Variants in PDE10A observed in about 807,000 individuals in gnomAD.
PDE10A encodes phosphodiesterase 10A.
A neutral mutation model predicts 97.7 loss-of-function variants in PDE10A; 39 were observed. The observed-to-expected ratio is 0.40, with a 90% CI of 0.31 to 0.52. The LOEUF (loss-of-function observed/expected upper bound fraction) is 0.52. Among genes scored for constraint, PDE10A ranks in the 20% least tolerant of loss-of-function variants. The pLI, the probability that PDE10A is intolerant of heterozygous loss-of-function variation, is 0.56. For synonymous variants in PDE10A, 371 were observed against 376.8 expected, an observed-to-expected ratio of 0.98 and a Z score of 0.18; for missense variants, 731 against 1,047.8, an observed-to-expected ratio of 0.70 and a Z score of 4.17.
At chr6:165,496,012 G>A (rs1318984106) in intron 2 of PDE10A, among the ~76,000 whole-genome samples, 2 of 151,930 alleles carry the variant, frequency 1.3e-5, no homozygotes, top group Non-Finnish European at 2.9e-5. Flanking sequence ...AGGGGAATTG[G>A]AAGGCAATGT....
In PDE10A at chr6:165,786,459, T is replaced by G. The variant is rs541724403; in HGVS notation, c.-615+201070A>C. Among the ~76,000 whole-genome samples, 8 of 152,388 alleles carry G rather than the reference T, an allele frequency of 5.2e-5. No homozygotes were observed. In the South Asian group the frequency reaches 1.7e-3, roughly 32 times the overall value. On this transcript the variant is annotated intron_variant, in intron 1 of 19. Transcript: ENST00000366882. ...AAAGTAAACTTAACTTGGGTTAGTA[T>G]CAAAATAATTTAAATGTACCTGTGA...
chr6:165,980,753 A>G (rs946459029), intron 1 of PDE10A, among the ~76,000 whole-genome samples: 21 of 152,210 alleles, frequency 1.4e-4, no homozygotes, highest in African/African-American at 4.3e-4. Context: ...CCATGTGTGT[A>G]TAATATACTT....
chr6:165,636,643 C>T (rs1161576950), intron 1 of PDE10A, among the ~76,000 whole-genome samples: 1 of 152,194 alleles, frequency 6.6e-6, no homozygotes, highest in Non-Finnish European at 1.5e-5. Flanking sequence ...GCAATACTTA[C>T]GGTTCACAAA....
At chr6:165,872,815 T>C (rs1265530629) in intron 1 of PDE10A, among the ~76,000 whole-genome samples, 1 of 152,150 alleles carries the variant, frequency 6.6e-6, no homozygotes, top group Non-Finnish European at 1.5e-5. Flanking sequence ...AGAACACTAA[T>C]AGGGGATCAG....
At chr6:165,984,159 T>C (rs1235034718) in intron 1 of PDE10A, among the ~76,000 whole-genome samples, 5 of 152,030 alleles carry the variant, frequency 3.3e-5, no homozygotes, top group Admixed American at 1.3e-4. Flanking sequence ...TAGACATTTT[T>C]ATGCTAAAAA....
rs181998852 is a variant in PDE10A, at chr6:165,491,721, G to A, written c.995-9378C>T. On this transcript the variant is annotated intron_variant, in intron 2 of 21. Coordinates refer to ENST00000539869, the MANE Select transcript of PDE10A (RefSeq NM_001385079.1). ...GGATACAGCAAAAGTGGTACTAAGA[G>A]AAAAGTCCACAGCATTAAGTGCCTA... Among the ~76,000 whole-genome samples the A allele has an allele frequency of 5.3e-4, 81 of 152,144 alleles. 1 individual carries two copies. Among genetic ancestry groups the A allele is most frequent in the African/African-American group, 1.7e-3 (71 of 41,524 alleles).
intron 1 of PDE10A, among the ~76,000 whole-genome samples, chr6:165,846,254 C>G (rs994292380): frequency 6.6e-5 from 10 of 152,224 alleles, no homozygotes; most frequent in South Asian, 2.1e-4. Flanking sequence ...TGAGCCACAC[C>G]TTGTGCTTTA....
chr6:165,927,151 A>C (rs955770111), intron 1 of PDE10A, among the ~76,000 whole-genome samples: 4 of 152,152 alleles, frequency 2.6e-5, no homozygotes, highest in African/African-American at 9.7e-5. Context: ...GCATGCAGCA[A>C]ACCACCATGG....
At chr6:165,468,245 ATTTT>A (rs914985458) in intron 3 of PDE10A, among the ~76,000 whole-genome samples, 1 of 149,518 alleles carries the variant, frequency 6.7e-6, no homozygotes, top group Non-Finnish European at 1.5e-5. Flanking sequence ...TGCTAGGCTA[ATTTT>A]TTTTTATTTT....
chr6:165,375,293 C>A (rs1784545981), intron 18 of PDE10A, among the ~76,000 whole-genome samples: 2 of 152,152 alleles, frequency 1.3e-5, no homozygotes, highest in East Asian at 3.9e-4. Context: ...AGAAAAAATT[C>A]TTCAAGGAAA....
chr6:165,378,348 T>G lies in PDE10A; in HGVS notation c.2783+846A>C, dbSNP rs530695942. ...GCAAGAGTGGCAAAGAAGCAGTAAG[T>G]AAGTGCTCACCAGCCTAGGGATAAA... On this transcript the variant is annotated intron_variant, in intron 18 of 21. Coordinates refer to ENST00000539869, the MANE Select transcript of PDE10A (RefSeq NM_001385079.1). 2.6e-5 allele frequency among the ~76,000 whole-genome samples: 4 copies of G among 152,280 alleles called. No individual in the cohort carries two copies. In the East Asian group the frequency reaches 7.7e-4, roughly 29 times the overall value.
At chr6:165,934,798 C>A (rs1298598884) in intron 1 of PDE10A, among the ~76,000 whole-genome samples, 1 of 149,862 alleles carries the variant, frequency 6.7e-6, no homozygotes, top group African/African-American at 2.5e-5. Context: ...ACTACTACTA[C>A]TAATATCTTG....
At chr6:165,457,302 T>C (rs1369458095) in intron 3 of PDE10A, among the ~76,000 whole-genome samples, 1 of 152,076 alleles carries the variant, frequency 6.6e-6, no homozygotes, top group Admixed American at 6.6e-5. Flanking sequence ...TGGGCATCAC[T>C]GCAGCATTCG....
intron 2 of PDE10A, among the ~76,000 whole-genome samples, chr6:165,540,893 G>T (rs185166668): frequency 6.6e-6 from 1 of 152,224 alleles, no homozygotes; most frequent in Non-Finnish European, 1.5e-5. Flanking sequence ...GCCTCCCAAA[G>T]TGTTGGGATT....
chr6:165,549,410 C>T (rs1036974030), intron 1 of PDE10A, among the ~76,000 whole-genome samples: 7 of 152,218 alleles, frequency 4.6e-5, no homozygotes, highest in Non-Finnish European at 5.9e-5. Context: ...CTGCAAGCTC[C>T]GCCTCCTGGG....
intron 21 of PDE10A, among the ~76,000 whole-genome samples, chr6:165,335,391 T>C (rs529299296): frequency 2.3e-4 from 35 of 152,280 alleles, no homozygotes; most frequent in African/African-American, 8.4e-4. Context: ...AAAAACAGCA[T>C]TGGGCAGGTC....
intron 1 of PDE10A, among the ~76,000 whole-genome samples, chr6:165,702,216 A>T (rs1251853836): frequency 6.6e-6 from 1 of 152,252 alleles, no homozygotes; most frequent in Non-Finnish European, 1.5e-5. Flanking sequence ...GCAAAGAACT[A>T]CAAAAGAAAA....
At chr6:165,593,026 A>G (rs972776671) in intron 1 of PDE10A, among the ~76,000 whole-genome samples, 2 of 152,230 alleles carry the variant, frequency 1.3e-5, no homozygotes, top group African/African-American at 4.8e-5. Context: ...ACTGTTCACA[A>G]TAGCAAAGAC....
At chr6:165,601,199 A>G (rs981113943) in intron 1 of PDE10A, among the ~76,000 whole-genome samples, 1 of 152,166 alleles carries the variant, frequency 6.6e-6, no homozygotes, top group Non-Finnish European at 1.5e-5. Flanking sequence ...CCACCATGTA[A>G]GAAGTGTCTT....
Sources: allele counts gnomAD v4.1 joint callset (sites outside exome capture counted in the v4.1 genomes callset), GRCh38; gene constraint gnomAD v4.1.1; transcripts MANE v1.5; gene names NCBI Gene and HGNC (gene_info 2026-07-23, HGNC 2026-07-21).